The following NLRP8 variants were observed in gnomAD, a reference collection of about 807,000 sequenced individuals.
NLRP8 encodes the protein NACHT, LRR and PYD domains-containing protein 8.
NLRP8 carries 86 observed loss-of-function variants against 88.7 expected under a neutral mutation model. The ratio of observed to expected loss-of-function variants is 0.97; its 90% CI spans 0.81 to 1.16. NLRP8 has a LOEUF of 1.16. Ranked by LOEUF, NLRP8 falls within the 50% of genes most tolerant of loss-of-function variation. The probability of loss-of-function intolerance (pLI) is 0.00; values close to 1 mark genes in which losing one functional copy is unlikely to be tolerated. For missense variants in NLRP8, 1,342 were observed against 1,286.5 expected (o/e 1.04, Z -0.66); for synonymous variants, 504 against 494.6 (o/e 1.02, Z -0.25).
Position 55,955,186 on chromosome 19 carries a change from A to G in NLRP8, c.1128A>G (p.Gly376=), listed in dbSNP as rs1979284112. ...TGTATTTTGGACACACAGAGGAGGGAGACCAAGTCTTGAGTTTCGCCATGG... is the reference window on the plus strand; with the variant it reads ...TGTATTTTGGACACACAGAGGAGGGGGACCAAGTCTTGAGTTTCGCCATGG... Residue 376 remains glycine, a synonymous_variant, in exon 3 of 10, where the codon GGA becomes GGG. Transcript: ENST00000291971. 2 of 1,614,154 alleles carry G rather than the reference A, an allele frequency of 1.2e-6. No individual in the cohort carries two copies. Among genetic ancestry groups the G allele is most frequent in the South Asian group, 2.2e-5 (2 of 91,082 alleles).
intron 9 of NLRP8, among the ~76,000 whole-genome samples, chr19:55,981,828 G>GT (rs5828663): frequency 1.3e-5 from 2 of 151,730 alleles, no homozygotes; most frequent in Non-Finnish European, 2.9e-5. Context: ...CAATCACAAT[G>GT]TTTTTTTTCC....
At chr19:55,953,762 G>A (rs1370353722) in intron 2 of NLRP8, among the ~76,000 whole-genome samples, 1 of 148,220 alleles carries the variant, frequency 6.7e-6, no homozygotes, top group African/African-American at 2.5e-5. Context: ...CAAAGTGCTG[G>A]GATTACAGGC....
chr19:55,975,989 CA>C (rs1980294368), intron 7 of NLRP8, 143 bp from the exon 8 acceptor site: 1 of 822,984 alleles, frequency 1.2e-6, no homozygotes, highest in Non-Finnish European at 1.8e-6. Context: ...TATGCAAAAA[CA>C]AAAAACAAAC....
rs1491285893 is a variant in NLRP8 at position 55,988,444 on chromosome 19, G to GTGTATATA, written c.*532_*533insGTATATAT. 3 of 106,488 alleles carry GTGTATATA rather than the reference G, an allele frequency of 2.8e-5. No homozygotes were observed. Among genetic ancestry groups the GTGTATATA allele is most frequent in the African/African-American group, 7.6e-5 (2 of 26,442 alleles). 6.6% of individuals were successfully genotyped at this position (106,488 alleles called of 1,614,324 possible). Reference sequence around the variant, plus strand: ...CACATAAATATATATATGTGTGTGTGTATATATATATATATATATATATAT... The same window carrying GTGTATATA: ...CACATAAATATATATATGTGTGTGTGTGTATATATATATATATATATATATATATATAT... On this transcript the variant is annotated 3_prime_UTR_variant, in exon 10 of 10. Coordinates refer to ENST00000291971, the MANE Select transcript of NLRP8 (RefSeq NM_176811.2).
chr19:55,983,216 C>G (rs745586988), intron 9 of NLRP8, among the ~76,000 whole-genome samples: 1 of 152,060 alleles, frequency 6.6e-6, no homozygotes, highest in Non-Finnish European at 1.5e-5. Flanking sequence ...GTAATCCCAG[C>G]ATTTTGGGAA....
At chr19:55,968,189 A>T (rs1979925362) in intron 5 of NLRP8, among the ~76,000 whole-genome samples, 1 of 152,236 alleles carries the variant, frequency 6.6e-6, no homozygotes, top group Admixed American at 6.5e-5. Context: ...CTGTAATCCC[A>T]GCCCTTTGGG....
chr19:55,971,156 AGGGCCGGG>A (rs1980057041), intron 6 of NLRP8, among the ~76,000 whole-genome samples: 1 of 152,130 alleles, frequency 6.6e-6, no homozygotes, highest in Non-Finnish European at 1.5e-5. Context: ...TTTACATAAA[AGGGCCGGG>A]CACGGTGGCT....
intron 6 of NLRP8, among the ~76,000 whole-genome samples, chr19:55,971,267 C>T (rs934249300): frequency 6.6e-6 from 1 of 151,910 alleles, no homozygotes; most frequent in African/African-American, 2.4e-5. Context: ...TGGTGAAACC[C>T]CATCTCTACT....
At chr19:55,964,473 C>A (rs949938514) in intron 4 of NLRP8, among the ~76,000 whole-genome samples, 2 of 152,096 alleles carry the variant, frequency 1.3e-5, no homozygotes, top group South Asian at 2.1e-4. Context: ...AATAGCCGGT[C>A]GGGCGTGGTG....
chr19:55,986,670 G>A lies in NLRP8; in HGVS notation c.3048-1144G>A, dbSNP rs114597695. The stretch of plus-strand genomic sequence containing the variant: ...CCCTGGGGCTGGTGGTTCAGAGCCG[G>A]TTGCAGCCAATGAGCAGCAGCAACA... On this transcript the variant is annotated intron_variant, in intron 9 of 9. Coordinates refer to ENST00000291971, the MANE Select transcript of NLRP8 (RefSeq NM_176811.2). Among the ~76,000 whole-genome samples, 871 of 152,334 alleles carry A rather than the reference G, an allele frequency of 5.7e-3. 8 individuals carry two copies. The highest frequency in any genetic ancestry group is 0.02 in the African/African-American group (811 of 41,574).
Position 55,955,062 on chromosome 19 carries a change from G to T in NLRP8, c.1004G>T (p.Arg335Ile), listed in dbSNP as rs1326458187. ...GAGGCCACGCTACTGATCATGATAAGATTTACCTCTTGGCAGACATGCAAG... is the reference window on the plus strand; with the variant it reads ...GAGGCCACGCTACTGATCATGATAATATTTACCTCTTGGCAGACATGCAAG... Residue 335 changes from arginine to isoleucine, a missense_variant, in exon 3 of 10, where the codon AGA (arginine) becomes ATA (isoleucine). Physicochemically the swap from Arg to Ile is moderately conservative, Grantham distance 97. Transcript: ENST00000291971. The T allele has an allele frequency of 6.2e-7, 1 of 1,613,962 alleles. No individual in the cohort carries two copies. The highest frequency in any genetic ancestry group is 1.3e-5 in the African/African-American group (1 of 74,916).
rs1341733913 is a variant in NLRP8, at chr19:55,979,538, C to T, written c.3021C>T (p.Ser1007=). The change falls in exon 9 of 10, where the codon AGC becomes AGT. Residue 1007 remains serine, a synonymous_variant. Transcript: ENST00000291971. ...TGACCTTGTGCGAGGCCTTCTCAAG[C>T]CAAAAGAAGAGAGAAGAGGTCATTT... is the stretch of plus-strand genomic sequence containing the variant. 6.2e-7 allele frequency: 1 copy of T among 1,614,138 alleles called. No individual in the cohort carries two copies. Among genetic ancestry groups the T allele is most frequent in the Non-Finnish European group, 8.5e-7 (1 of 1,180,012 alleles).
rs1446371740 is a variant in NLRP8 at position 55,954,652 on chromosome 19, C to G, written c.594C>G (p.Pro198=). The change falls in exon 3 of 10, where the codon CCC becomes CCG. Residue 198 remains proline, a synonymous_variant. Coordinates refer to ENST00000291971, the MANE Select transcript of NLRP8 (RefSeq NM_176811.2). ...CATGTCTGCTTCTGCCCAAAAGACC[C>G]CAGGGTAGACAGCCCAAGACCGTGG... 3.7e-6 allele frequency: 6 copies of G among 1,614,050 alleles called. No individual in the cohort carries two copies. Among genetic ancestry groups the G allele is most frequent in the Non-Finnish European group, 5.1e-6 (6 of 1,180,036 alleles).
At position 55,948,531 on chromosome 19, in the gene NLRP8, G is replaced by T. The variant is rs1014966935; in HGVS notation, c.367+262G>T. Among the ~76,000 whole-genome samples, 9 of 152,292 alleles carry T rather than the reference G, an allele frequency of 5.9e-5. No individual in the cohort carries two copies. In the South Asian group the frequency reaches 1.0e-3, roughly 18 times the overall value. ...GCTCACTGCAAACCCCGCCTCCCAG[G>T]TACAGGTGATTCTCCTGCCTCAGCC... is the stretch of plus-strand genomic sequence containing the variant. On this transcript the variant is annotated intron_variant, in intron 1 of 9. Transcript: ENST00000291971.
intron 8 of NLRP8, among the ~76,000 whole-genome samples, 185 bp from the exon 9 acceptor site, chr19:55,979,209 C>A (rs1980469686): frequency 6.6e-6 from 1 of 152,226 alleles, no homozygotes; most frequent in Non-Finnish European, 1.5e-5. Flanking sequence ...AATACTATAG[C>A]CTGCTCTGAA....
rs1403199645 is a variant in NLRP8 at position 55,954,865 on chromosome 19, C to A, written c.807C>A (p.Asp269Glu). Residue 269 changes from aspartate to glutamate, a missense_variant, in exon 3 of 10, where the codon GAC (aspartate) becomes GAA (glutamate). Asp to Glu is a conservative substitution (Grantham distance 45, BLOSUM62 2). Coordinates refer to ENST00000291971, the MANE Select transcript of NLRP8 (RefSeq NM_176811.2). Reference sequence around the variant, plus strand: ...AGCAAAAGTGGCCTGGATCTCAGGACCTCGTGTCAAAGATTATGTCCAAAC... The same window carrying A: ...AGCAAAAGTGGCCTGGATCTCAGGAACTCGTGTCAAAGATTATGTCCAAAC... 6.2e-7 allele frequency: 1 copy of A among 1,614,140 alleles called. No homozygotes were observed.
At chr19:55,957,670 TAATTA>T (rs1391576421) in intron 3 of NLRP8, among the ~76,000 whole-genome samples, 19 of 51,854 alleles carry the variant, frequency 3.7e-4, no homozygotes, top group African/African-American at 1.7e-3. Flanking sequence ...GAAAAAATAA[TAATTA>T]TATATATATA....
rs775608937 is a variant in NLRP8, at chr19:55,962,050, T to G, written c.2043-17T>G. On this transcript the variant is annotated splice_polypyrimidine_tract_variant and intron_variant, in intron 3 of 9. Transcript: ENST00000291971. ...GTTTAACGAAGAGGTGTTTTCTCTC[T>G]TCTCCCTTCCATGTAGAGCGCCAGA... 10 of 1,610,034 alleles carry G rather than the reference T, an allele frequency of 6.2e-6. No individual in the cohort carries two copies. Among genetic ancestry groups the G allele is most frequent in the Middle Eastern group, 1.7e-4 (1 of 6,014 alleles).
At chr19:55,965,559 G>C (rs912004161) in intron 4 of NLRP8, among the ~76,000 whole-genome samples, 2 of 152,000 alleles carry the variant, frequency 1.3e-5, no homozygotes, top group Non-Finnish European at 2.9e-5. Flanking sequence ...CCAGTCCTCC[G>C]AATCCTTCAG....
Sources: allele counts gnomAD v4.1 joint callset (sites outside exome capture counted in the v4.1 genomes callset), GRCh38; gene constraint gnomAD v4.1.1; transcripts MANE v1.5; gene names NCBI Gene and HGNC (gene_info 2026-07-23, HGNC 2026-07-21).